The following PTPRN2 variants were observed in gnomAD, a reference collection of about 807,000 sequenced individuals.
PTPRN2 encodes receptor-type tyrosine-protein phosphatase N2.
In PTPRN2, 74 loss-of-function variants were observed where a neutral mutation model predicts 118.8. The observed-to-expected ratio is 0.62, with a 90% CI of 0.52 to 0.76. The LOEUF (loss-of-function observed/expected upper bound fraction) is 0.76. Among genes scored for constraint, PTPRN2 ranks in the 30% least tolerant of loss-of-function variants. PTPRN2 has a pLI of 0.00. For synonymous variants in PTPRN2, 641 were observed against 608.0 expected, an observed-to-expected ratio of 1.05 and a Z score of -0.80; for missense variants, 1,481 against 1,394.4, an observed-to-expected ratio of 1.06 and a Z score of -0.99.
intron 1 of PTPRN2, among the ~76,000 whole-genome samples, chr7:158,582,584 T>G (rs559992973): frequency 6.6e-6 from 1 of 151,990 alleles, no homozygotes. Flanking sequence ...TTTTAATATT[T>G]TTTGTTCATT....
At chr7:157,788,459 G>A (rs562013507) in intron 12 of PTPRN2, among the ~76,000 whole-genome samples, 1 of 152,158 alleles carries the variant, frequency 6.6e-6, no homozygotes, top group South Asian at 2.1e-4. Flanking sequence ...GGAGAAGTGT[G>A]CCATCAACCA....
chr7:158,503,895 G>C (rs1195811683), intron 1 of PTPRN2, among the ~76,000 whole-genome samples: 1 of 152,022 alleles, frequency 6.6e-6, no homozygotes, highest in Non-Finnish European at 1.5e-5. Flanking sequence ...CAGCTACTTG[G>C]GGGGCCAAGG....
chr7:157,610,160 G>C lies in PTPRN2; in HGVS notation c.2345-6085C>G, dbSNP rs991305354. ...CTCCCACCAGCACATGGGCTCCACG[G>C]TGCTGCTGTTTGGAGGATGCGTGAG... is the stretch of plus-strand genomic sequence containing the variant. On this transcript the variant is annotated intron_variant, in intron 15 of 22. Coordinates refer to ENST00000389418, the MANE Select transcript of PTPRN2 (RefSeq NM_002847.5). This position sits in a 1 kb window ranked among gnomAD's most constrained non-coding sequence, Gnocchi z 5.1. 2.6e-5 allele frequency among the ~76,000 whole-genome samples: 4 copies of C among 152,194 alleles called. No homozygotes were observed. The highest frequency in any genetic ancestry group is 2.1e-4 in the South Asian group (1 of 4,830).
intron 20 of PTPRN2, among the ~76,000 whole-genome samples, chr7:157,570,739 T>C (rs1563222014): frequency 6.6e-6 from 1 of 152,182 alleles, no homozygotes; most frequent in Non-Finnish European, 1.5e-5. Flanking sequence ...ATTTCGTCCC[T>C]GTACATAACT....
chr7:157,548,881 C>T, intron 22 of PTPRN2, 65 bp downstream of exon 22: 2 of 1,484,600 alleles, frequency 1.3e-6, no homozygotes, highest in Non-Finnish European at 1.9e-6. Flanking sequence ...GTGCTCCTCT[C>T]AGGAACACGG....
At chr7:158,170,983 A>G (rs1159413409) in intron 5 of PTPRN2, among the ~76,000 whole-genome samples, 1 of 147,156 alleles carries the variant, frequency 6.8e-6, no homozygotes, top group East Asian at 2.0e-4. Context: ...ATACATACAT[A>G]TATATATACA....
chr7:157,592,547 T>A (rs1432912997), intron 17 of PTPRN2, among the ~76,000 whole-genome samples: 2 of 150,836 alleles, frequency 1.3e-5, no homozygotes, highest in Non-Finnish European at 2.9e-5. Flanking sequence ...GCCGAGAGGC[T>A]TCACACAGGA....
At chr7:158,004,046 A>C (rs1290263365) in intron 11 of PTPRN2, among the ~76,000 whole-genome samples, 1 of 151,992 alleles carries the variant, frequency 6.6e-6, no homozygotes, top group East Asian at 1.9e-4. Context: ...AGCAGCCCCC[A>C]TGGCTGCTTT....
At chr7:157,885,189 G>A (rs898861976) in intron 12 of PTPRN2, among the ~76,000 whole-genome samples, 1 of 152,168 alleles carries the variant, frequency 6.6e-6, no homozygotes, top group African/African-American at 2.4e-5. Context: ...GCCCTGATAA[G>A]TGATTATGGA....
chr7:157,817,257 C>T (rs1166252287), intron 12 of PTPRN2, among the ~76,000 whole-genome samples: 1 of 152,214 alleles, frequency 6.6e-6, no homozygotes. Context: ...CCTTCTGCTG[C>T]ATTTTGCTGG....
chr7:157,860,445 C>A (rs1810146679), intron 12 of PTPRN2, among the ~76,000 whole-genome samples: 1 of 152,230 alleles, frequency 6.6e-6, no homozygotes, highest in Non-Finnish European at 1.5e-5. Flanking sequence ...ACTCTTGGAG[C>A]TTCCCAAGAC....
intron 12 of PTPRN2, among the ~76,000 whole-genome samples, chr7:157,875,771 C>G (rs1278729260): frequency 1.3e-5 from 2 of 149,762 alleles, no homozygotes; most frequent in East Asian, 4.0e-4. Flanking sequence ...GGGGCCGAGC[C>G]CCCAGGCCAG....
chr7:158,317,762 G>T (rs571771495), intron 2 of PTPRN2, among the ~76,000 whole-genome samples: 18 of 152,318 alleles, frequency 1.2e-4, no homozygotes, highest in African/African-American at 4.8e-5. Flanking sequence ...ACTAGGTTTC[G>T]CCGTGCAGCT....
intron 1 of PTPRN2, among the ~76,000 whole-genome samples, chr7:158,538,525 C>A (rs1420185085): frequency 6.6e-6 from 1 of 152,176 alleles, no homozygotes; most frequent in East Asian, 1.9e-4. Flanking sequence ...TTCTATAATG[C>A]GTGTGTGCCT....
At chr7:158,302,614 G>A (rs894390196) in intron 3 of PTPRN2, among the ~76,000 whole-genome samples, 5 of 152,348 alleles carry the variant, frequency 3.3e-5, no homozygotes, top group Admixed American at 6.5e-5. Context: ...CTCGTTTCAC[G>A]ATAAACAACC....
intron 12 of PTPRN2, among the ~76,000 whole-genome samples, chr7:157,840,321 CTG>C (rs1467177951): frequency 7.7e-6 from 1 of 129,782 alleles, no homozygotes; most frequent in African/African-American, 3.0e-5. Context: ...CCACGTGTGA[CTG>C]TGTGACCGCG....
Position 158,167,309 on chromosome 7 carries a change from A to G in PTPRN2, c.550-18T>C. The stretch of plus-strand genomic sequence containing the variant: ...TCATCACCCTGAAGGAAAGGAGAGC[A>G]AAACAGAGCAAGAGTCACATTTCCA... On this transcript the variant is annotated intron_variant, in intron 5 of 22. Transcript: ENST00000389418. The G allele has an allele frequency of 6.4e-7, 1 of 1,564,148 alleles. No individual in the cohort carries two copies.
rs73746657 is a variant in PTPRN2, at chr7:157,845,393, C to T, written c.1788+53280G>A. On this transcript the variant is annotated intron_variant, in intron 12 of 22. Transcript: ENST00000389418. The surrounding 1 kb of genome is among the most constrained non-coding windows in gnomAD (Gnocchi z 4.5). Reference sequence around the variant, plus strand: ...CCCGGCCACGCCACAGTGAATCACGCAGCCTAACTCACCAGGTTACTGGCC... The same window carrying T: ...CCCGGCCACGCCACAGTGAATCACGTAGCCTAACTCACCAGGTTACTGGCC... Among the ~76,000 whole-genome samples the T allele has an allele frequency of 4.9e-5, 7 of 142,968 alleles. No homozygotes were observed. The highest frequency in any genetic ancestry group is 2.1e-4 in the African/African-American group (7 of 32,918). The allele number at this position is 142,968 out of a possible 152,430, so 93.8% of individuals were successfully genotyped here.
At chr7:158,124,038 T>A (rs1333573589) in intron 9 of PTPRN2, among the ~76,000 whole-genome samples, 1 of 152,074 alleles carries the variant, frequency 6.6e-6, no homozygotes. Flanking sequence ...CGACCTCAGA[T>A]CCCGTGCCGA....
Sources: allele counts gnomAD v4.1 joint callset (sites outside exome capture counted in the v4.1 genomes callset), GRCh38; gene constraint gnomAD v4.1.1; non-coding constraint Gnocchi (gnomAD v3.1); transcripts MANE v1.5; gene names NCBI Gene and HGNC (gene_info 2026-07-23, HGNC 2026-07-21).